The following AKNAD1 variants were observed in gnomAD, a reference collection of about 807,000 sequenced individuals.
AKNAD1 encodes the protein protein AKNAD1.
A neutral mutation model predicts 90.8 loss-of-function variants in AKNAD1; 67 were observed. That is an observed-to-expected ratio of 0.74 (90% CI 0.61 to 0.90). The LOEUF (loss-of-function observed/expected upper bound fraction) is 0.90, where lower values mean the gene tolerates loss of function less well. AKNAD1 is among the 40% of genes least tolerant of loss of function. The pLI is 0.00. For synonymous variants in AKNAD1, 327 were observed against 341.4 expected, an observed-to-expected ratio of 0.96 and a Z score of 0.46; for missense variants, 957 against 975.4, an observed-to-expected ratio of 0.98 and a Z score of 0.25.
intron 5 of AKNAD1, among the ~76,000 whole-genome samples, chr1:108,846,110 A>G (rs1243111746): frequency 1.3e-5 from 2 of 152,152 alleles, no homozygotes; most frequent in African/African-American, 4.8e-5. Flanking sequence ...TGTAACCAAT[A>G]AGTAGAGGCA....
Position 108,848,736 on chromosome 1 carries a change from G to T in AKNAD1, c.1245+16C>A. ...TTCTCTAATCAAGATTTTAAAAACG[G>T]GATAAAATTCATTACCAGCTTCTTG... is the stretch of plus-strand genomic sequence containing the variant. On this transcript the variant is annotated intron_variant, in intron 5 of 15. Transcript: ENST00000370001. The T allele has an allele frequency of 6.3e-7, 1 of 1,597,984 alleles. No homozygotes were observed. The highest frequency in any genetic ancestry group is 8.5e-7 in the Non-Finnish European group (1 of 1,174,430).
At position 108,849,533 on chromosome 1, in the gene AKNAD1, G is replaced by A. The variant is rs2101213981; in HGVS notation, c.1033+4C>T. ...ATCTCAAAGAAGTTTTAAAACATTAGTACCTGTGAGAAGTTCTTGGTGGAT... is the reference window on the plus strand; with the variant it reads ...ATCTCAAAGAAGTTTTAAAACATTAATACCTGTGAGAAGTTCTTGGTGGAT... On this transcript the variant is annotated splice_donor_region_variant and intron_variant, in intron 3 of 15. Coordinates refer to ENST00000370001, the MANE Select transcript of AKNAD1 (RefSeq NM_152763.5). 1.3e-6 allele frequency: 2 copies of A among 1,562,796 alleles called. No homozygotes were observed. Among genetic ancestry groups the A allele is most frequent in the Non-Finnish European group, 1.8e-6 (2 of 1,133,570 alleles).
chr1:108,855,746 G>A (rs945172410), intron 1 of AKNAD1, among the ~76,000 whole-genome samples: 8 of 151,736 alleles, frequency 5.3e-5, no homozygotes, highest in African/African-American at 9.7e-5. Flanking sequence ...AGATCATGCC[G>A]CTGTACTCCA....
In AKNAD1 at chr1:108,816,230, TA is replaced by T. The variant is rs1163549459; in HGVS notation, c.2451del (p.Thr819ArgfsTer16). 6.2e-7 allele frequency: 1 copy of T among 1,613,830 alleles called. No homozygotes were observed. Among genetic ancestry groups the T allele is most frequent in the Non-Finnish European group, 8.5e-7 (1 of 1,179,938 alleles). On this transcript the variant is annotated frameshift_variant, in exon 16 of 16. Transcript: ENST00000370001. LOFTEE classifies it high-confidence loss of function. ...TILKETTDQM[I>X]KTIAEDLAKA... ...TTAGCAAGGTCTTCTGCAATCGTTT[TA>T]ATCATTTGATCTGTAGTTTCTTTCA... is the stretch of plus-strand genomic sequence containing the variant.
intron 9 of AKNAD1, among the ~76,000 whole-genome samples, chr1:108,830,896 G>C (rs1199998815): frequency 6.6e-6 from 1 of 152,176 alleles, no homozygotes; most frequent in African/African-American, 2.4e-5. Context: ...GGCCTGGGCT[G>C]AAGAATGGAA....
At chr1:108,819,075 TGA>T (rs1417563133) in intron 14 of AKNAD1, among the ~76,000 whole-genome samples, 2 of 152,016 alleles carry the variant, frequency 1.3e-5, no homozygotes, top group Admixed American at 1.3e-4. Context: ...GTGCAGAGCC[TGA>T]ATTGTTAGCC....
At chr1:108,818,165 C>T (rs1473591122) in intron 14 of AKNAD1, among the ~76,000 whole-genome samples, 3 of 152,190 alleles carry the variant, frequency 2.0e-5, no homozygotes, top group Non-Finnish European at 4.4e-5. Context: ...CTGAGGGATG[C>T]CATGAGAACT....
rs200156438 is a variant in AKNAD1, at chr1:108,835,020, G to A, written c.1573C>T (p.Arg525Ter). The A allele has an allele frequency of 2.5e-6, 4 of 1,569,998 alleles. No individual in the cohort carries two copies. Among genetic ancestry groups the A allele is most frequent in the East Asian group, 2.4e-5 (1 of 41,548 alleles). ...GTTACCTCACTCCCACCTGAGCCTCGAGGCCCAGAAGGGTGGCCGGGGTGC... is the reference window on the plus strand; with the variant it reads ...GTTACCTCACTCCCACCTGAGCCTCAAGGCCCAGAAGGGTGGCCGGGGTGC... ...KEHPGHPSGP[R>*]GSGGSEVTGT... is the part of the protein sequence containing the mutation. Residue 525 changes from arginine (R) to a stop codon, truncating the protein, a stop_gained, in exon 8 of 16, where the codon CGA becomes TGA. Transcript: ENST00000370001. LOFTEE classifies it high-confidence loss of function.
At chr1:108,822,907 AT>A (rs1441070012) in intron 13 of AKNAD1, 31 of 368,520 alleles carry the variant, frequency 8.4e-5, no homozygotes, top group East Asian at 1.3e-4. Flanking sequence ...TAGGGTTTTA[AT>A]TTTTTTTCAA....
At chr1:108,853,143 T>TA (rs1432413553) in intron 1 of AKNAD1, among the ~76,000 whole-genome samples, 5 of 148,592 alleles carry the variant, frequency 3.4e-5, no homozygotes, top group African/African-American at 1.2e-4. Flanking sequence ...TTTCTTTTTT[T>TA]TTTTTTGAGA....
chr1:108,831,746 C>T (rs1279421251), intron 9 of AKNAD1, among the ~76,000 whole-genome samples: 3 of 151,646 alleles, frequency 2.0e-5, no homozygotes, highest in African/African-American at 4.9e-5. Flanking sequence ...TCTGGCTCAG[C>T]CCCCCAAGTA....
chr1:108,820,067 G>A (rs1178663393), intron 14 of AKNAD1, among the ~76,000 whole-genome samples: 1 of 151,892 alleles, frequency 6.6e-6, no homozygotes, highest in Admixed American at 6.6e-5. Context: ...CTCCACTGCC[G>A]CTCCCTCTTT....
chr1:108,820,763 A>G lies in AKNAD1; in HGVS notation c.2168-137T>C, dbSNP rs925971603. 8.5e-6 allele frequency: 5 copies of G among 586,922 alleles called. No individual in the cohort carries two copies. In the African/African-American group the frequency reaches 9.4e-5, roughly 11 times the overall value. 36.4% of individuals were successfully genotyped at this position (586,922 alleles called of 1,614,324 possible). ...AATAAATCAGAAAACTGGGAAACAT[A>G]GACAACAAAGAACTTTTGCTGGGCG... is the stretch of plus-strand genomic sequence containing the variant. On this transcript the variant is annotated intron_variant, in intron 13 of 15. Coordinates refer to ENST00000370001, the MANE Select transcript of AKNAD1 (RefSeq NM_152763.5).
intron 6 of AKNAD1, among the ~76,000 whole-genome samples, chr1:108,839,888 G>A (rs1664489846): frequency 6.6e-6 from 1 of 152,018 alleles, no homozygotes; most frequent in African/African-American, 2.4e-5. Flanking sequence ...AGCTGGGAGT[G>A]GTGGCATGCA....
Position 108,817,154 on chromosome 1 carries a change from G to A in AKNAD1, c.2273C>T (p.Thr758Ile). The change falls in exon 15 of 16, where the codon ACC becomes ATC. Residue 758 changes from threonine (T) to isoleucine (I), a missense_variant. By Grantham distance (89) the Thr-to-Ile change is moderately conservative. Transcript: ENST00000370001. Reference protein sequence around the residue: ...PGKKKLQAFMTYSSDPATPSP... With the variant: ...PGKKKLQAFMIYSSDPATPSP... ...GGGTGTTGCAGGGTCTGAGCTGTAG[G>A]TCATGAAAGCCTGAAGTTTTTTTCT... The A allele has an allele frequency of 6.2e-7, 1 of 1,614,056 alleles. No homozygotes were observed. Among genetic ancestry groups the A allele is most frequent in the Non-Finnish European group, 8.5e-7 (1 of 1,179,992 alleles).
chr1:108,817,172 T>G lies in AKNAD1; in HGVS notation c.2255A>C (p.Lys752Thr), dbSNP rs1663640010. The G allele has an allele frequency of 1.2e-6, 2 of 1,613,898 alleles. No individual in the cohort carries two copies. Among genetic ancestry groups the G allele is most frequent in the African/African-American group, 1.3e-5 (1 of 74,978 alleles). Residue 752 changes from lysine to threonine, a missense_variant, in exon 15 of 16, where the codon AAA becomes ACA. Coordinates refer to ENST00000370001, the MANE Select transcript of AKNAD1 (RefSeq NM_152763.5). ...GEHEPTPGKK[K>T]LQAFMTYSSD... Reference sequence around the variant, plus strand: ...GCTGTAGGTCATGAAAGCCTGAAGTTTTTTTCTGGAAGACAAAAGCACATT... The same window carrying G: ...GCTGTAGGTCATGAAAGCCTGAAGTGTTTTTCTGGAAGACAAAAGCACATT...
intron 1 of AKNAD1, among the ~76,000 whole-genome samples, chr1:108,853,223 C>T (rs1035225666): frequency 6.6e-6 from 1 of 151,412 alleles, no homozygotes; most frequent in Non-Finnish European, 1.5e-5. Context: ...GCTCCACCTC[C>T]CAGGTTCACC....
At chr1:108,823,112 C>A in intron 13 of AKNAD1, 1 of 677,970 alleles carries the variant, frequency 1.5e-6, no homozygotes, top group Non-Finnish European at 2.7e-6. Context: ...TTGCTACCAA[C>A]TTGCACTGGT....
At chr1:108,841,088 G>A (rs1351580674) in intron 6 of AKNAD1, among the ~76,000 whole-genome samples, 9 of 152,008 alleles carry the variant, frequency 5.9e-5, no homozygotes, top group East Asian at 1.9e-4. Flanking sequence ...CAGGAGAATC[G>A]CTTGAACCTG....
Sources: allele counts gnomAD v4.1 joint callset (sites outside exome capture counted in the v4.1 genomes callset), GRCh38; gene constraint gnomAD v4.1.1; transcripts MANE v1.5; gene names NCBI Gene and HGNC (gene_info 2026-07-23, HGNC 2026-07-21).